Variants in STAU2 observed in about 807,000 individuals in gnomAD.
The protein encoded by STAU2 is staufen double-stranded RNA binding protein 2, also known as double-stranded RNA-binding protein Staufen homolog 2.
STAU2 carries 20 observed loss-of-function variants against 65.9 expected under a neutral mutation model. The ratio of observed to expected loss-of-function variants is 0.30; its 90% CI spans 0.21 to 0.44. The LOEUF (loss-of-function observed/expected upper bound fraction) is 0.44. STAU2 is among the 20% of genes least tolerant of loss of function. STAU2 has a pLI of 1.00. For missense variants in STAU2, 558 were observed against 683.9 expected (o/e 0.82, Z 2.05); for synonymous variants, 232 against 233.9 (o/e 0.99, Z 0.07).
Position 73,639,344 on chromosome 8 carries a change from T to C in STAU2, c.411-21893A>G, listed in dbSNP as rs575671308. 3.2e-4 allele frequency among the ~76,000 whole-genome samples: 48 copies of C among 152,290 alleles called. No individual in the cohort carries two copies. In the South Asian group the frequency reaches 9.1e-3, roughly 29 times the overall value. ...CTTAATCATGGAGAATGTATACAAT[T>C]GTTTCTATGCTCTTTGAAGGGAGGA... On this transcript the variant is annotated intron_variant, in intron 6 of 14. Transcript: ENST00000524300.
chr8:73,466,565 C>T (rs1819667810), intron 13 of STAU2, among the ~76,000 whole-genome samples: 1 of 152,210 alleles, frequency 6.6e-6, no homozygotes, highest in African/African-American at 2.4e-5. Flanking sequence ...GGAGAAGCCA[C>T]TCTGATAAAT....
intron 13 of STAU2, among the ~76,000 whole-genome samples, chr8:73,457,612 C>T (rs187136996): frequency 3.9e-5 from 6 of 152,348 alleles, no homozygotes; most frequent in East Asian, 1.9e-4. Context: ...CCCTATGACG[C>T]CAAGGCTTTG....
intron 13 of STAU2, among the ~76,000 whole-genome samples, chr8:73,434,893 C>T (rs971340800): frequency 2.0e-5 from 3 of 151,912 alleles, no homozygotes; most frequent in South Asian, 2.1e-4. Flanking sequence ...TAATAACTCC[C>T]GCCCCTAGAA....
chr8:73,613,651 G>A, intron 9 of STAU2, 93 bp downstream of exon 9: 1 of 938,620 alleles, frequency 1.1e-6, no homozygotes, highest in South Asian at 1.8e-5. Flanking sequence ...TAGTCCATAA[G>A]TTCAGGGATC....
chr8:73,525,728 C>A (rs1458187698), intron 13 of STAU2, among the ~76,000 whole-genome samples: 2 of 152,190 alleles, frequency 1.3e-5, no homozygotes, highest in Non-Finnish European at 2.9e-5. Context: ...CTTTGCTCAG[C>A]CTTAGAAGAG....
rs189417684 is a variant in STAU2, at chr8:73,696,192, T to C, written c.115-7379A>G. Among the ~76,000 whole-genome samples the C allele has an allele frequency of 2.6e-4, 39 of 152,312 alleles. No individual in the cohort carries two copies. The East Asian group carries it at 5.0e-3, about 20-fold the overall frequency. ...GCCAAGGCTGTACCTCTAACAAGTC[T>C]CCAAAAGCCACAGCATTGTTGGGCT... On this transcript the variant is annotated intron_variant, in intron 4 of 14. Transcript: ENST00000524300.
intron 3 of STAU2, among the ~76,000 whole-genome samples, chr8:73,729,639 G>C (rs1237944466): frequency 6.6e-6 from 1 of 152,086 alleles, no homozygotes; most frequent in Non-Finnish European, 1.5e-5. Flanking sequence ...GAGTGCAATG[G>C]CATAATCATG....
rs1403811214 is a variant in STAU2, at chr8:73,693,999, A to C, written c.115-5186T>G. ...AATATAAAAGCACATATAGTTTTAA[A>C]GTAATGAGAAAAACATATACTGACA... On this transcript the variant is annotated intron_variant, in intron 4 of 14. Coordinates refer to ENST00000524300, the MANE Select transcript of STAU2 (RefSeq NM_001164380.2). 2.0e-5 allele frequency among the ~76,000 whole-genome samples: 3 copies of C among 152,288 alleles called. No homozygotes were observed. In the East Asian group the frequency reaches 5.8e-4, roughly 29 times the overall value.
Position 73,603,795 on chromosome 8 carries a change from C to T in STAU2, c.960G>A (p.Lys320=), listed in dbSNP as rs1811813760. The T allele has an allele frequency of 6.2e-7, 1 of 1,612,032 alleles. No homozygotes were observed. Among genetic ancestry groups the T allele is most frequent in the Non-Finnish European group, 8.5e-7 (1 of 1,179,868 alleles). ...GCAAAACATAATCCGGCTCCTTTTC[C>T]TTTTTGGCCTGTTGAATTTGCGCCA... ...SRLAQIQQAK[K]EKEPDYVLLS... The change falls in exon 10 of 15, where the codon AAG becomes AAA. Residue 320 remains lysine, a synonymous_variant. Transcript: ENST00000524300.
At chr8:73,733,735 A>C (rs1806235162) in intron 3 of STAU2, among the ~76,000 whole-genome samples, 1 of 152,236 alleles carries the variant, frequency 6.6e-6, no homozygotes, top group East Asian at 1.9e-4. Flanking sequence ...ATATTATAGA[A>C]ACACAAAATA....
At chr8:73,564,638 T>A (rs941058687) in intron 12 of STAU2, among the ~76,000 whole-genome samples, 2 of 152,006 alleles carry the variant, frequency 1.3e-5, no homozygotes, top group African/African-American at 4.8e-5. Context: ...CAAACCTGCA[T>A]GTGTACCCCT....
intron 4 of STAU2, among the ~76,000 whole-genome samples, chr8:73,689,549 C>T (rs1422118099): frequency 6.6e-6 from 1 of 152,168 alleles, no homozygotes; most frequent in Non-Finnish European, 1.5e-5. Context: ...TGTGCATCCT[C>T]ATCTCACACA....
At chr8:73,694,925 G>A (rs947095563) in intron 4 of STAU2, among the ~76,000 whole-genome samples, 1 of 152,236 alleles carries the variant, frequency 6.6e-6, no homozygotes, top group Non-Finnish European at 1.5e-5. Context: ...AGCACTAGCT[G>A]GAGGGGAATT....
intron 1 of STAU2, among the ~76,000 whole-genome samples, chr8:73,741,298 C>A (rs1467629874): frequency 1.3e-5 from 1 of 74,668 alleles, no homozygotes; most frequent in African/African-American, 9.7e-5. Flanking sequence ...GAGCAAGACT[C>A]CGTCTCAAAA....
At chr8:73,522,808 T>C (rs1262981089) in intron 13 of STAU2, among the ~76,000 whole-genome samples, 1 of 152,132 alleles carries the variant, frequency 6.6e-6, no homozygotes, top group Non-Finnish European at 1.5e-5. Flanking sequence ...GGATGAGAAT[T>C]CAGGGTTTCA....
intron 13 of STAU2, among the ~76,000 whole-genome samples, chr8:73,540,651 A>G (rs1375054598): frequency 6.6e-6 from 1 of 152,160 alleles, no homozygotes; most frequent in Non-Finnish European, 1.5e-5. Context: ...AGCTTCTGAC[A>G]ACAGGAGAAT....
rs528212125 is a variant in STAU2 at position 73,715,766 on chromosome 8, ATAT to A, written c.-17-6607_-17-6605del. On this transcript the variant is annotated intron_variant, in intron 3 of 14. Transcript: ENST00000524300. ...ATAGCAAAAACTATAAATGAGATAA[ATAT>A]TATTATTTACCAAAAATTGGTTAAA... Among the ~76,000 whole-genome samples the A allele has an allele frequency of 2.0e-4, 30 of 152,306 alleles. 1 individual carries two copies. In the South Asian group the frequency reaches 6.0e-3, roughly 30 times the overall value.
chr8:73,644,830 G>A (rs1012407299), intron 6 of STAU2, among the ~76,000 whole-genome samples: 2 of 152,076 alleles, frequency 1.3e-5, no homozygotes, highest in Admixed American at 6.6e-5. Context: ...ACAGAAATTT[G>A]ACAATTAGAC....
At chr8:73,503,396 G>T (rs868700163) in intron 13 of STAU2, among the ~76,000 whole-genome samples, 2 of 152,178 alleles carry the variant, frequency 1.3e-5, no homozygotes, top group Middle Eastern at 6.8e-3. Context: ...TCTGTTGGGA[G>T]TTCTATCATC....
Sources: gnomAD v4.1 joint callset for allele counts (sites outside exome capture counted in the v4.1 genomes callset) on GRCh38, gnomAD v4.1.1 for gene constraint, MANE v1.5 for transcripts, NCBI Gene and HGNC (gene_info 2026-07-23, HGNC 2026-07-21) for gene names.